PPARA: variants seen among roughly 807,000 people sequenced by gnomAD.
PPARA encodes the protein peroxisome proliferator activated receptor alpha.
Under a neutral mutation model 42.2 loss-of-function variants are expected in PPARA, and 22 were observed. The observed-to-expected ratio is 0.52, with a 90% confidence interval of 0.37 to 0.74. PPARA has a LOEUF of 0.74. Ranked by LOEUF, PPARA falls within the 30% of genes least tolerant of loss-of-function variation. The pLI is 0.00. For missense variants in PPARA, 465 were observed against 608.2 expected (o/e 0.76, Z 2.48); for synonymous variants, 242 against 239.3 (o/e 1.01, Z -0.10).
At position 46,173,928 on chromosome 22, in the gene PPARA, G is replaced by A. The variant is rs1175092916; in HGVS notation, c.-126-2825G>A. ...CTATAAAGAAAGAAATTATGGGCTA[G>A]GTGCAGTGGCTCATGCCTGTAATCC... is the stretch of plus-strand genomic sequence containing the variant. On this transcript the variant is annotated intron_variant, in intron 2 of 8. Transcript: ENST00000407236. The surrounding 1 kb of genome is among the most constrained non-coding windows in gnomAD (Gnocchi z 4.3). Among the ~76,000 whole-genome samples, 2 of 152,012 alleles carry A rather than the reference G, an allele frequency of 1.3e-5. No individual in the cohort carries two copies. The highest frequency in any genetic ancestry group is 2.9e-5 in the Non-Finnish European group (2 of 68,022).
rs527301564 is a variant in PPARA, at chr22:46,182,034, C to T, written c.-43+5198C>T. 6.4e-4 allele frequency among the ~76,000 whole-genome samples: 98 copies of T among 152,264 alleles called. No individual in the cohort carries two copies. Among genetic ancestry groups the T allele is most frequent in the African/African-American group, 1.5e-3 (61 of 41,544 alleles). Reference sequence around the variant, plus strand: ...TTTTAAATTTTATTTTTAGTAGAGACGGGGTTTTGCCACATTGGCCAGGCT... The same window carrying T: ...TTTTAAATTTTATTTTTAGTAGAGATGGGGTTTTGCCACATTGGCCAGGCT... On this transcript the variant is annotated intron_variant, in intron 3 of 8. Transcript: ENST00000407236. The surrounding 1 kb of genome is among the most constrained non-coding windows in gnomAD (Gnocchi z 5.2).
At chr22:46,154,005 G>A (rs1459355372) in intron 2 of PPARA, among the ~76,000 whole-genome samples, 1 of 152,152 alleles carries the variant, frequency 6.6e-6, no homozygotes, top group Non-Finnish European at 1.5e-5. Flanking sequence ...TGCATCATTT[G>A]AAATGTCTAT....
intron 2 of PPARA, among the ~76,000 whole-genome samples, chr22:46,154,636 A>G (rs1209715134): frequency 6.6e-6 from 1 of 152,098 alleles, no homozygotes; most frequent in Admixed American, 6.6e-5. Context: ...ATAAATATTT[A>G]TGTAATCATC....
At chr22:46,213,157 G>A (rs1353968637) in intron 4 of PPARA, among the ~76,000 whole-genome samples, 1 of 152,162 alleles carries the variant, frequency 6.6e-6, no homozygotes, top group Non-Finnish European at 1.5e-5. Context: ...GCTGTCTCAT[G>A]TTGCATTCCC....
At chr22:46,214,853 A>G (rs1934313820) in intron 4 of PPARA, among the ~76,000 whole-genome samples, 1 of 148,578 alleles carries the variant, frequency 6.7e-6, no homozygotes, top group Admixed American at 6.7e-5. Flanking sequence ...TGTGGATGGG[A>G]GACGCGCGGG....
Position 46,232,144 on chromosome 22 carries a change from T to C in PPARA, c.1064T>C (p.Met355Thr). 6.2e-7 allele frequency: 1 copy of C among 1,614,230 alleles called. No homozygotes were observed. The change falls in exon 8 of 9, where the codon ATG becomes ACG. Residue 355 changes from methionine to threonine, a missense_variant. By Grantham distance (81) the Met-to-Thr change is moderately conservative (BLOSUM62 -1). Coordinates refer to ENST00000407236, the MANE Select transcript of PPARA (RefSeq NM_005036.6). The surrounding 1 kb of genome is among the most constrained non-coding windows in gnomAD (Gnocchi z 5.3). ...KSLRKPFCDI[M>T]EPKFDFAMKF... ...CTAAGGAAACCGTTCTGTGATATCATGGAACCCAAGTTTGATTTTGCCATG... is the reference window on the plus strand; with the variant it reads ...CTAAGGAAACCGTTCTGTGATATCACGGAACCCAAGTTTGATTTTGCCATG...
At chr22:46,197,359 G>C (rs765192507) in intron 3 of PPARA, among the ~76,000 whole-genome samples, 12 of 152,130 alleles carry the variant, frequency 7.9e-5, no homozygotes, top group Non-Finnish European at 1.5e-4. Context: ...CCAGGGATCT[G>C]TTTTTGTCTC....
chr22:46,185,781 G>T (rs1261264557), intron 3 of PPARA, among the ~76,000 whole-genome samples: 2 of 147,730 alleles, frequency 1.4e-5, no homozygotes, highest in Non-Finnish European at 3.0e-5. Context: ...TGTAATTCCA[G>T]CTACTCGGGA....
intron 4 of PPARA, among the ~76,000 whole-genome samples, chr22:46,214,471 G>A (rs2092519335): frequency 1.3e-5 from 2 of 148,582 alleles, no homozygotes; most frequent in South Asian, 4.4e-4. Context: ...GCGCAGATCA[G>A]GAGATGGGCG....
At chr22:46,176,284 G>A (rs4253661) in intron 2 of PPARA, 5,720 of 152,338 alleles carry the variant, frequency 0.038, 205 homozygotes, top group African/African-American at 0.083. Flanking sequence ...TCAGCAGTTT[G>A]AGACCAGCCT....
chr22:46,237,563 A>G lies in PPARA; in HGVS notation c.*2183A>G, dbSNP rs955168302. ...CAGTGAGCTGTGATCTCACCACTGC[A>G]TTCCAGCCTGGGTGACAGAGTTAGA... On this transcript the variant is annotated 3_prime_UTR_variant, in exon 9 of 9. Coordinates refer to ENST00000407236, the MANE Select transcript of PPARA (RefSeq NM_005036.6). The surrounding 1 kb of genome is among the most constrained non-coding windows in gnomAD (Gnocchi z 6.7). The G allele has an allele frequency of 2.0e-5, 3 of 151,322 alleles. No individual in the cohort carries two copies. Among genetic ancestry groups the G allele is most frequent in the Non-Finnish European group, 2.9e-5 (2 of 68,074 alleles). 9.4% of individuals were successfully genotyped at this position (151,322 alleles called of 1,614,324 possible).
chr22:46,167,407 T>C lies in PPARA; in HGVS notation c.-126-9346T>C, dbSNP rs1927239782. ...TGGCTCATGCCTGTCATCTTGCACT[T>C]TGAGAGGCCAAGGCGGGTGGATCAC... On this transcript the variant is annotated intron_variant, in intron 2 of 8. Coordinates refer to ENST00000407236, the MANE Select transcript of PPARA (RefSeq NM_005036.6). The surrounding 1 kb of genome is among the most constrained non-coding windows in gnomAD (Gnocchi z 4.1). 6.6e-6 allele frequency among the ~76,000 whole-genome samples: 1 copy of C among 152,092 alleles called. No individual in the cohort carries two copies. Among genetic ancestry groups the C allele is most frequent in the Non-Finnish European group, 1.5e-5 (1 of 68,018 alleles).
At chr22:46,218,497 A>C in intron 6 of PPARA, 96 bp downstream of exon 6, 1 of 1,565,102 alleles carries the variant, frequency 6.4e-7, no homozygotes, top group East Asian at 2.2e-5. Flanking sequence ...AATGTGCTTC[A>C]ACATTTCACA....
chr22:46,158,918 C>G (rs1673903322), intron 2 of PPARA, among the ~76,000 whole-genome samples: 1 of 152,136 alleles, frequency 6.6e-6, no homozygotes, highest in Non-Finnish European at 1.5e-5. Flanking sequence ...AGGCTGGAGT[C>G]TCGCTCTGCT....
rs1931043914 is a variant in PPARA at position 46,187,986 on chromosome 22, G to T, written c.-42-10356G>T. Among the ~76,000 whole-genome samples, 1 of 152,236 alleles carries T rather than the reference G, an allele frequency of 6.6e-6. No individual in the cohort carries two copies. Among genetic ancestry groups the T allele is most frequent in the African/African-American group, 2.4e-5 (1 of 41,464 alleles). ...TTGGAATGCTGCCACCATCTGAGAA[G>T]CCTGAGGTGGCCTCTGTGAGGATGA... On this transcript the variant is annotated intron_variant, in intron 3 of 8. Transcript: ENST00000407236. The surrounding 1 kb of genome is among the most constrained non-coding windows in gnomAD (Gnocchi z 4.9).
rs898148491 is a variant in PPARA at position 46,167,559 on chromosome 22, G to A, written c.-126-9194G>A. The stretch of plus-strand genomic sequence containing the variant: ...TCCCAGCTGCACAGTAGTCTGAGGT[G>A]GGAGGATCACCTGAGCCCAGAGAGG... On this transcript the variant is annotated intron_variant, in intron 2 of 8. Coordinates refer to ENST00000407236, the MANE Select transcript of PPARA (RefSeq NM_005036.6). The surrounding 1 kb of genome is among the most constrained non-coding windows in gnomAD (Gnocchi z 4.1). 6.6e-6 allele frequency among the ~76,000 whole-genome samples: 1 copy of A among 152,078 alleles called. No individual in the cohort carries two copies. The highest frequency in any genetic ancestry group is 1.5e-5 in the Non-Finnish European group (1 of 68,018).
chr22:46,187,532 C>T lies in PPARA; in HGVS notation c.-43+10696C>T, dbSNP rs1248099582. Among the ~76,000 whole-genome samples the T allele has an allele frequency of 6.6e-6, 1 of 152,212 alleles. No homozygotes were observed. The highest frequency in any genetic ancestry group is 1.5e-5 in the Non-Finnish European group (1 of 68,044). On this transcript the variant is annotated intron_variant, in intron 3 of 8. Transcript: ENST00000407236. This position sits in a 1 kb window ranked among gnomAD's most constrained non-coding sequence, Gnocchi z 4.9. ...CTTTTCTTGGGACAGTTACAACAGC[C>T]CCGTAAGGAGTTGTGCTGCTTCTAG...
chr22:46,189,131 G>A (rs954138981), intron 3 of PPARA, among the ~76,000 whole-genome samples: 45 of 152,138 alleles, frequency 3.0e-4, no homozygotes, highest in African/African-American at 9.7e-4. Context: ...CAGGCCTCTC[G>A]GCCTACTCTA....
chr22:46,195,584 T>G lies in PPARA; in HGVS notation c.-42-2758T>G, dbSNP rs1371408292. 6.6e-6 allele frequency among the ~76,000 whole-genome samples: 1 copy of G among 152,240 alleles called. No individual in the cohort carries two copies. Among genetic ancestry groups the G allele is most frequent in the Non-Finnish European group, 1.5e-5 (1 of 68,040 alleles). ...AAAATGGATGAAATGTATCTATTTT[T>G]CATTGGTAGAAGAAGCCAAAACATC... On this transcript the variant is annotated intron_variant, in intron 3 of 8. Coordinates refer to ENST00000407236, the MANE Select transcript of PPARA (RefSeq NM_005036.6). This position sits in a 1 kb window ranked among gnomAD's most constrained non-coding sequence, Gnocchi z 4.6.
Sources: gnomAD v4.1 joint callset for allele counts (sites outside exome capture counted in the v4.1 genomes callset) on GRCh38, gnomAD v4.1.1 for gene constraint, Gnocchi (gnomAD v3.1) non-coding constraint, MANE v1.5 for transcripts, NCBI Gene and HGNC (gene_info 2026-07-23, HGNC 2026-07-21) for gene names.